The following NRXN1 variants were observed in gnomAD, a reference collection of about 807,000 sequenced individuals.
NRXN1 encodes neurexin 1.
In NRXN1, 39 loss-of-function variants were observed where a neutral mutation model predicts 150.9. The observed-to-expected ratio is 0.26, with a 90% confidence interval of 0.20 to 0.34. NRXN1 has a LOEUF of 0.34. NRXN1 is among the 10% of genes least tolerant of loss of function. The pLI is 1.00. For synonymous variants in NRXN1, 924 were observed against 757.0 expected (o/e 1.22, Z -3.62); for missense variants, 1,815 against 1,949.9 (o/e 0.93, Z 1.30).
chr2:50,271,851 T>A (rs370732417), intron 17 of NRXN1, among the ~76,000 whole-genome samples: 38 of 151,778 alleles, frequency 2.5e-4, no homozygotes, highest in African/African-American at 9.2e-4. Flanking sequence ...AGAAAAAAAA[T>A]CAAATAAAAC....
intron 1 of NRXN1, among the ~76,000 whole-genome samples, chr2:51,030,680 A>G (rs535247117): frequency 1.3e-5 from 2 of 152,294 alleles, no homozygotes; most frequent in African/African-American, 4.8e-5. Context: ...ATCACCAGTC[A>G]TATCTTGTCT....
chr2:50,349,459 A>G (rs2078262218), intron 17 of NRXN1, among the ~76,000 whole-genome samples: 1 of 152,192 alleles, frequency 6.6e-6, no homozygotes, highest in Non-Finnish European at 1.5e-5. Context: ...TCATCCACAC[A>G]GTATGTTTTC....
intron 5 of NRXN1, among the ~76,000 whole-genome samples, chr2:50,689,546 G>C (rs1691746034): frequency 6.6e-6 from 1 of 152,110 alleles, no homozygotes; most frequent in Non-Finnish European, 1.5e-5. Flanking sequence ...GGATTTCCCA[G>C]ATAGAAGTCT....
At position 50,984,897 on chromosome 2, in the gene NRXN1, T is replaced by A. The variant is rs1272228904; in HGVS notation, c.772+42605A>T. Among the ~76,000 whole-genome samples, 3 of 152,202 alleles carry A rather than the reference T, an allele frequency of 2.0e-5. No homozygotes were observed. In the South Asian group the frequency reaches 6.2e-4, roughly 32 times the overall value. On this transcript the variant is annotated intron_variant, in intron 2 of 22. Transcript: ENST00000401669. ...ATCTAAAAAAAATTATCTCTGCAAA[T>A]ACTTTATAGATCTAGAACTCTTTTA...
chr2:50,143,106 T>C (rs1707507428), intron 18 of NRXN1, among the ~76,000 whole-genome samples: 1 of 144,774 alleles, frequency 6.9e-6, no homozygotes, highest in African/African-American at 2.6e-5. Context: ...AACACAGGAA[T>C]GGAAAATAGA....
chr2:50,127,545 A>G (rs1704786491), intron 18 of NRXN1, among the ~76,000 whole-genome samples: 1 of 152,066 alleles, frequency 6.6e-6, no homozygotes, highest in Non-Finnish European at 1.5e-5. Flanking sequence ...CTTTCACATC[A>G]TCATCAGGGC....
chr2:50,974,183 T>A (rs1399371968), intron 2 of NRXN1, among the ~76,000 whole-genome samples: 2 of 152,128 alleles, frequency 1.3e-5, no homozygotes, highest in African/African-American at 2.4e-5. Flanking sequence ...GTGAATACAG[T>A]TTTACTATTT....
intron 18 of NRXN1, among the ~76,000 whole-genome samples, chr2:50,176,283 T>C (rs930897504): frequency 7.9e-5 from 12 of 152,168 alleles, no homozygotes; most frequent in African/African-American, 2.9e-4. Flanking sequence ...AGTTAAAAAA[T>C]GTCCAAGTCA....
chr2:50,734,773 G>A (rs573869196), intron 5 of NRXN1, among the ~76,000 whole-genome samples: 1 of 150,654 alleles, frequency 6.6e-6, no homozygotes, highest in East Asian at 1.9e-4. Context: ...AAAAAACTCT[G>A]TGTTGGCTAA....
At chr2:50,919,012 A>AG (rs34363783) in intron 5 of NRXN1, 75,640 of 151,734 alleles carry the variant, frequency 0.5, 20,832 homozygotes, top group Non-Finnish European at 0.63. Context: ...ATCTTTGTTT[A>AG]GGAATGTAAA....
intron 12 of NRXN1, among the ~76,000 whole-genome samples, chr2:50,527,166 T>C (rs964961724): frequency 1.3e-5 from 2 of 152,180 alleles, no homozygotes; most frequent in East Asian, 1.9e-4. Flanking sequence ...AAAGGAATAT[T>C]GGTCCCCACA....
intron 17 of NRXN1, among the ~76,000 whole-genome samples, chr2:50,323,332 G>C (rs1419404548): frequency 1.3e-5 from 2 of 152,148 alleles, no homozygotes; most frequent in South Asian, 4.1e-4. Context: ...CTAAGGTGAA[G>C]CTGATGCTGT....
chr2:50,549,879 G>A (rs1365364138), intron 9 of NRXN1, among the ~76,000 whole-genome samples: 4 of 152,180 alleles, frequency 2.6e-5, no homozygotes, highest in African/African-American at 9.6e-5. Context: ...ATATGTGCAT[G>A]TGTGGCATGT....
At chr2:50,933,166 G>T (rs1304783761) in intron 2 of NRXN1, among the ~76,000 whole-genome samples, 1 of 152,008 alleles carries the variant, frequency 6.6e-6, no homozygotes, top group Admixed American at 6.6e-5. Context: ...ATCAAAGAAA[G>T]AATTATTCCA....
chr2:50,719,126 T>A (rs1696275222), intron 5 of NRXN1, among the ~76,000 whole-genome samples: 1 of 151,758 alleles, frequency 6.6e-6, no homozygotes, highest in Admixed American at 6.6e-5. Context: ...GGTGTAAGAT[T>A]AGAGACTTGT....
At chr2:50,399,032 T>C (rs936761956) in intron 17 of NRXN1, among the ~76,000 whole-genome samples, 6 of 152,158 alleles carry the variant, frequency 3.9e-5, no homozygotes, top group African/African-American at 1.4e-4. Flanking sequence ...TCAGGACTGA[T>C]TGGAGGTCAT....
intron 21 of NRXN1, among the ~76,000 whole-genome samples, chr2:49,973,617 A>G (rs1026780482): frequency 6.7e-5 from 8 of 119,232 alleles, no homozygotes; most frequent in Admixed American, 5.1e-4. Flanking sequence ...ATACATATGC[A>G]CACACACACA....
chr2:50,642,455 G>A (rs754706175), intron 5 of NRXN1, among the ~76,000 whole-genome samples: 6 of 151,926 alleles, frequency 3.9e-5, no homozygotes, highest in Non-Finnish European at 5.9e-5. Flanking sequence ...GTTTTGAGGT[G>A]AGAAATAAAA....
At chr2:50,585,121 C>T (rs1457138873) in intron 8 of NRXN1, among the ~76,000 whole-genome samples, 2 of 152,062 alleles carry the variant, frequency 1.3e-5, no homozygotes, top group Admixed American at 6.6e-5. Context: ...AGTAGTTTAG[C>T]CCATGAATTC....
Sources: gnomAD v4.1 joint callset for allele counts (sites outside exome capture counted in the v4.1 genomes callset) on GRCh38, gnomAD v4.1.1 for gene constraint, MANE v1.5 for transcripts, NCBI Gene and HGNC (gene_info 2026-07-23, HGNC 2026-07-21) for gene names.